SLC5A4: variants seen among roughly 807,000 people sequenced by gnomAD.
SLC5A4 encodes the protein probable glucose sensor protein SLC5A4.
In SLC5A4, 55 loss-of-function variants were observed where a neutral mutation model predicts 70.3. That is an observed-to-expected ratio of 0.78 (90% CI 0.63 to 0.98). SLC5A4 has a LOEUF of 0.98. SLC5A4 is among the 50% of genes least tolerant of loss of function. The pLI is 0.00. For missense variants in SLC5A4, 735 were observed against 839.2 expected, an observed-to-expected ratio of 0.88 and a Z score of 1.53; for synonymous variants, 268 against 305.7, an observed-to-expected ratio of 0.88 and a Z score of 1.29.
the SLC5A4 span, among the ~76,000 whole-genome samples, chr22:32,311,895 G>A: frequency 2.0e-5 from 3 of 152,198 alleles, no homozygotes; most frequent in Non-Finnish European, 4.4e-5. Flanking sequence ...TGTCCAGGGA[G>A]TTGGAGCCTG....
At chr22:32,270,102 G>T in the SLC5A4 span, 3 of 520,728 alleles carry the variant, frequency 5.8e-6, no homozygotes, top group Non-Finnish European at 7.3e-6. Flanking sequence ...CAGCTGGTCA[G>T]CCAGGGACAA....
chr22:32,243,546 A>G (rs1926654656), intron 5 of SLC5A4, among the ~76,000 whole-genome samples: 1 of 152,220 alleles, frequency 6.6e-6, no homozygotes. Context: ...GAATAACAAT[A>G]TACAGGGAAG....
chr22:32,277,770 G>A, the SLC5A4 span, among the ~76,000 whole-genome samples: 8 of 152,104 alleles, frequency 5.3e-5, no homozygotes, highest in Non-Finnish European at 1.2e-4. Flanking sequence ...AGATGGTCTC[G>A]ATCTCCTGAC....
chr22:32,308,805 TGTGTGCATGCACAGCTGG>T, the SLC5A4 span, among the ~76,000 whole-genome samples: 1 of 152,100 alleles, frequency 6.6e-6, no homozygotes, highest in Non-Finnish European at 1.5e-5. Context: ...TCCATGCATG[TGTGTGCATGCACAGCTGG>T]GTGTGTGTGC....
chr22:32,353,835 C>A, the SLC5A4 span, among the ~76,000 whole-genome samples: 46 of 151,084 alleles, frequency 3.0e-4, no homozygotes, highest in African/African-American at 1.1e-3. Flanking sequence ...CCAACCAGAC[C>A]CCTGCTGGGG....
Position 32,223,987 on chromosome 22 carries a change from C to G in SLC5A4, c.1665+280G>C, listed in dbSNP as rs544691869. Among the ~76,000 whole-genome samples, 9 of 152,134 alleles carry G rather than the reference C, an allele frequency of 5.9e-5. No individual in the cohort carries two copies. The East Asian group carries it at 1.5e-3, about 26-fold the overall frequency. On this transcript the variant is annotated intron_variant, in intron 13 of 14. Transcript: ENST00000266086. ...CCAGGTTGGAGTGCAGTGGCCCGAT[C>G]TTGGCTCACTGCAAGCTCCGCCTCC...
chr22:32,234,179 G>C (rs1378629010), intron 8 of SLC5A4, among the ~76,000 whole-genome samples: 1 of 152,212 alleles, frequency 6.6e-6, no homozygotes, highest in Non-Finnish European at 1.5e-5. Flanking sequence ...AAAGGGTCTA[G>C]ATAGGGTTAT....
the SLC5A4 span, among the ~76,000 whole-genome samples, chr22:32,311,568 T>C: frequency 6.6e-6 from 1 of 152,190 alleles, no homozygotes; most frequent in Non-Finnish European, 1.5e-5. Context: ...GAAGTCCCAA[T>C]TCAAAGCGGG....
chr22:32,293,539 A>T, the SLC5A4 span, among the ~76,000 whole-genome samples: 1 of 152,150 alleles, frequency 6.6e-6, no homozygotes, highest in South Asian at 2.1e-4. Flanking sequence ...GGACAATCCA[A>T]GGACCTAACA....
chr22:32,311,504 G>A, the SLC5A4 span, among the ~76,000 whole-genome samples: 1 of 152,240 alleles, frequency 6.6e-6, no homozygotes, highest in Non-Finnish European at 1.5e-5. Context: ...CCCGGGGCAG[G>A]AGTGGAGGTG....
At chr22:32,322,504 G>C in the SLC5A4 span, among the ~76,000 whole-genome samples, 1 of 151,418 alleles carries the variant, frequency 6.6e-6, no homozygotes. Context: ...AAAATCACTT[G>C]AACCCGGGAG....
In SLC5A4 at chr22:32,233,021, C is replaced by T. The variant is rs114893468; in HGVS notation, c.899G>A (p.Arg300His). 332 of 1,613,488 alleles carry T rather than the reference C, an allele frequency of 2.1e-4. No homozygotes were observed. In the African/African-American group the frequency reaches 3.8e-3, roughly 18 times the overall value. The stretch of plus-strand genomic sequence containing the variant: ...AGACATGTCCTTGCCACACAGGCAG[C>T]GCTGCACAATGACCTGCCGGGAGAA... ...YWCTNQVIVQ[R>H]CLCGKDMSHV... is the part of the protein sequence containing the mutation. Residue 300 changes from arginine to histidine, a missense_variant, in exon 9 of 15, where the codon CGC becomes CAC. Coordinates refer to ENST00000266086, the MANE Select transcript of SLC5A4 (RefSeq NM_014227.3).
the SLC5A4 span, among the ~76,000 whole-genome samples, chr22:32,297,525 C>G: frequency 1.3e-5 from 1 of 79,976 alleles, no homozygotes; most frequent in Admixed American, 1.5e-4. Flanking sequence ...TTTATTGTGT[C>G]TATTTGATTC....
chr22:32,352,615 G>A, the SLC5A4 span, among the ~76,000 whole-genome samples: 1 of 152,092 alleles, frequency 6.6e-6, no homozygotes, highest in Admixed American at 6.6e-5. Flanking sequence ...CTGTCACAGA[G>A]GCCCACAGCT....
chr22:32,299,710 C>T, the SLC5A4 span, among the ~76,000 whole-genome samples: 1 of 107,348 alleles, frequency 9.3e-6, no homozygotes, highest in Non-Finnish European at 2.0e-5. Context: ...AACTGCGTTC[C>T]TTTGGAGGAG....
chr22:32,308,915 T>A, the SLC5A4 span, among the ~76,000 whole-genome samples: 20 of 152,204 alleles, frequency 1.3e-4, no homozygotes, highest in Non-Finnish European at 2.6e-4. Context: ...CCCAATAACT[T>A]CATCCAGGTC....
the SLC5A4 span, among the ~76,000 whole-genome samples, chr22:32,327,979 C>T: frequency 3.9e-5 from 6 of 152,250 alleles, no homozygotes; most frequent in South Asian, 1.2e-3. Flanking sequence ...CCCAGCAATT[C>T]ACAAGCTGTG....
the SLC5A4 span, among the ~76,000 whole-genome samples, chr22:32,306,920 T>C: frequency 0.63 from 96,336 of 151,868 alleles, 30,660 homozygotes; most frequent in East Asian, 0.7. Context: ...CGCTCTCTCT[T>C]GGGCCACCAG....
At chr22:32,304,696 T>C in the SLC5A4 span, among the ~76,000 whole-genome samples, 1 of 152,256 alleles carries the variant, frequency 6.6e-6, no homozygotes, top group African/African-American at 2.4e-5. Flanking sequence ...TTTCATTCTC[T>C]TGATAGTATT....
Sources: allele counts gnomAD v4.1 joint callset (sites outside exome capture counted in the v4.1 genomes callset), GRCh38; gene constraint gnomAD v4.1.1; transcripts MANE v1.5; gene names NCBI Gene and HGNC (gene_info 2026-07-23, HGNC 2026-07-21).